The following PTPRD variants were observed in gnomAD, a reference collection of about 807,000 sequenced individuals.
PTPRD encodes protein tyrosine phosphatase receptor type D.
PTPRD carries 34 observed loss-of-function variants against 214.5 expected under a neutral mutation model. That is an observed-to-expected ratio of 0.16 (90% confidence interval 0.12 to 0.21). PTPRD has a LOEUF of 0.21. Among genes scored for constraint, PTPRD ranks in the 10% least tolerant of loss-of-function variants. PTPRD has a pLI of 1.00. For synonymous variants in PTPRD, 1,128 were observed against 845.7 expected (o/e 1.33, Z -5.79); for missense variants, 2,545 against 2,398.7 (o/e 1.06, Z -1.27).
At chr9:8,882,259 G>C (rs2098452614) in intron 11 of PTPRD, among the ~76,000 whole-genome samples, 1 of 151,902 alleles carries the variant, frequency 6.6e-6, no homozygotes, top group Admixed American at 6.6e-5. Flanking sequence ...TTTTTATATT[G>C]ATCTTATAGT....
chr9:10,563,659 G>A (rs1239590521), intron 2 of PTPRD, among the ~76,000 whole-genome samples: 1 of 136,400 alleles, frequency 7.3e-6, no homozygotes, highest in Non-Finnish European at 1.6e-5. Flanking sequence ...TTGTTTTGTT[G>A]TTATCATCGT....
At position 8,687,970 on chromosome 9, in the gene PTPRD, C is replaced by T. The variant is rs140014994; in HGVS notation, c.64+45810G>A. Among the ~76,000 whole-genome samples the T allele has an allele frequency of 5.1e-3, 773 of 152,190 alleles. 8 individuals carry two copies. The highest frequency in any genetic ancestry group is 0.015 in the East Asian group (79 of 5,180). On this transcript the variant is annotated intron_variant, in intron 12 of 45. Transcript: ENST00000381196. ...AAACAATTGAGTTATATCACTTTTA[C>T]AGTTTTTTGAAATTCTGAATGCCTA...
At chr9:9,464,062 C>A (rs1166947426) in intron 8 of PTPRD, among the ~76,000 whole-genome samples, 2 of 152,120 alleles carry the variant, frequency 1.3e-5, no homozygotes, top group South Asian at 2.1e-4. Flanking sequence ...ACTATATTAA[C>A]CCTTAATTTT....
At chr9:9,911,459 C>A (rs1211008720) in intron 5 of PTPRD, among the ~76,000 whole-genome samples, 1 of 151,886 alleles carries the variant, frequency 6.6e-6, no homozygotes, top group African/African-American at 2.4e-5. Context: ...TCAGAGTTGA[C>A]TCCCTTACCA....
intron 9 of PTPRD, among the ~76,000 whole-genome samples, chr9:9,290,375 G>A (rs1950769137): frequency 6.6e-6 from 1 of 151,566 alleles, no homozygotes; most frequent in Non-Finnish European, 1.5e-5. Context: ...CATATACAAG[G>A]TTTGCAAATA....
chr9:8,371,115 G>A (rs935268939), intron 39 of PTPRD, among the ~76,000 whole-genome samples: 3 of 152,114 alleles, frequency 2.0e-5, no homozygotes, highest in Non-Finnish European at 4.4e-5. Flanking sequence ...TGGTATGTGG[G>A]AAAGAACATG....
In PTPRD at chr9:8,940,280, C is replaced by CTTTTTTTTTTTTTTTTTTTTT. The variant is rs34342718; in HGVS notation, c.-104+78416_-104+78417insAAAAAAAAAAAAAAAAAAAAA. 6.2e-4 allele frequency among the ~76,000 whole-genome samples: 55 copies of CTTTTTTTTTTTTTTTTTTTTT among 89,052 alleles called. 11 individuals are homozygous for CTTTTTTTTTTTTTTTTTTTTT. Among genetic ancestry groups the CTTTTTTTTTTTTTTTTTTTTT allele is most frequent in the Non-Finnish European group, 7.6e-4 (37 of 48,728 alleles). The allele number at this position is 89,052 out of a possible 152,430, so 58.4% of individuals were successfully genotyped here. A position where few individuals can be genotyped will look rare whatever the true frequency, so the allele number is the denominator to read the frequency against. ...TCACACATCTCTCTCTCTCTCTCTCCTTTTTTTTTTTTTTTTTTTTGAGAT... is the reference window on the plus strand; with the variant it reads ...TCACACATCTCTCTCTCTCTCTCTCCTTTTTTTTTTTTTTTTTTTTTTTTTTTTTTTTTTTTTTTTTGAGAT... On this transcript the variant is annotated intron_variant, in intron 11 of 45. Coordinates refer to ENST00000381196, the MANE Select transcript of PTPRD (RefSeq NM_002839.4).
Position 9,264,851 on chromosome 9 carries a change from C to G in PTPRD, c.-202-81488G>C, listed in dbSNP as rs547220922. Among the ~76,000 whole-genome samples, 49 of 150,776 alleles carry G rather than the reference C, an allele frequency of 3.2e-4. No homozygotes were observed. In the Middle Eastern group the frequency reaches 0.021, roughly 63 times the overall value. ...TTATCAGCCGATTTTTCAGCAGAAGCCTTGCAGGCCAGGAGAAAGTGGAAT... is the reference window on the plus strand; with the variant it reads ...TTATCAGCCGATTTTTCAGCAGAAGGCTTGCAGGCCAGGAGAAAGTGGAAT... On this transcript the variant is annotated intron_variant, in intron 9 of 45. Transcript: ENST00000381196.
intron 9 of PTPRD, among the ~76,000 whole-genome samples, chr9:9,335,785 A>C (rs966701007): frequency 6.6e-6 from 1 of 152,110 alleles, no homozygotes; most frequent in Non-Finnish European, 1.5e-5. Context: ...ATGAGGACCC[A>C]GAAACTAGAA....
rs74213259 is a variant in PTPRD at position 8,929,817 on chromosome 9, A to ATGTG, written c.-104+88876_-104+88879dup. Among the ~76,000 whole-genome samples the ATGTG allele has an allele frequency of 3.9e-4, 36 of 91,180 alleles. 2 individuals are homozygous for ATGTG. Among genetic ancestry groups the ATGTG allele is most frequent in the South Asian group, 1.2e-3 (3 of 2,588 alleles). 59.8% of individuals were successfully genotyped at this position (91,180 alleles called of 152,430 possible). A position where few individuals can be genotyped will look rare whatever the true frequency, so the allele number is the denominator to read the frequency against. ...TGTGTGTGTATATATGTGTATATAT[A>ATGTG]TGTGTATATATATGTGTATATATAT... On this transcript the variant is annotated intron_variant, in intron 11 of 45. Coordinates refer to ENST00000381196, the MANE Select transcript of PTPRD (RefSeq NM_002839.4).
At chr9:10,121,027 T>C (rs531698688) in intron 3 of PTPRD, among the ~76,000 whole-genome samples, 12 of 152,296 alleles carry the variant, frequency 7.9e-5, no homozygotes, top group Admixed American at 2.6e-4. Flanking sequence ...TAAATAGGGT[T>C]GTAGAATTGT....
At chr9:9,670,692 A>T (rs1187154470) in intron 7 of PTPRD, among the ~76,000 whole-genome samples, 2 of 152,168 alleles carry the variant, frequency 1.3e-5, no homozygotes, top group Non-Finnish European at 2.9e-5. Flanking sequence ...AGTGGCCAAC[A>T]TAGAGCTCAG....
intron 3 of PTPRD, among the ~76,000 whole-genome samples, chr9:10,110,240 C>T (rs2098678442): frequency 6.6e-6 from 1 of 152,190 alleles, no homozygotes; most frequent in Non-Finnish European, 1.5e-5. Flanking sequence ...GTAGCTCCTA[C>T]ATTCCAGGCT....
chr9:8,514,224 G>A (rs903322947), intron 21 of PTPRD, among the ~76,000 whole-genome samples: 1 of 152,072 alleles, frequency 6.6e-6, no homozygotes, highest in East Asian at 1.9e-4. Flanking sequence ...TTTTTCAATA[G>A]ATTACGACTG....
intron 14 of PTPRD, among the ~76,000 whole-genome samples, chr9:8,629,666 A>G (rs2096182739): frequency 6.6e-6 from 1 of 151,732 alleles, no homozygotes. Context: ...CACAAGTAAA[A>G]CAGATATACT....
At chr9:8,395,391 C>G (rs2090846164) in intron 36 of PTPRD, among the ~76,000 whole-genome samples, 1 of 151,514 alleles carries the variant, frequency 6.6e-6, no homozygotes, top group Non-Finnish European at 1.5e-5. Context: ...AATAGGAAAG[C>G]AAAATCTAAT....
intron 4 of PTPRD, among the ~76,000 whole-genome samples, chr9:9,994,593 C>T (rs948492419): frequency 2.6e-5 from 4 of 151,118 alleles, no homozygotes; most frequent in Admixed American, 2.0e-4. Flanking sequence ...AGAACAAAAC[C>T]TAAAAGCATA....
intron 7 of PTPRD, among the ~76,000 whole-genome samples, chr9:9,645,283 T>C (rs891005965): frequency 2.0e-5 from 3 of 152,114 alleles, no homozygotes; most frequent in African/African-American, 7.2e-5. Context: ...ACCTGTAAAA[T>C]GGAGACAATA....
At chr9:10,263,546 T>C (rs1356559886) in intron 3 of PTPRD, among the ~76,000 whole-genome samples, 1 of 152,166 alleles carries the variant, frequency 6.6e-6, no homozygotes, top group Admixed American at 6.5e-5. Flanking sequence ...GTCCCTGCCC[T>C]AGAGATCTGT....
Sources: gnomAD v4.1 joint callset for allele counts (sites outside exome capture counted in the v4.1 genomes callset) on GRCh38, gnomAD v4.1.1 for gene constraint, MANE v1.5 for transcripts, NCBI Gene and HGNC (gene_info 2026-07-23, HGNC 2026-07-21) for gene names.